The following IGSF21 variants were observed in gnomAD, a reference collection of about 807,000 sequenced individuals.
IGSF21 encodes the protein immunoglobulin superfamily member 21.
Under a neutral mutation model 46.8 loss-of-function variants are expected in IGSF21, and 28 were observed. That is an observed-to-expected ratio of 0.60 (90% CI 0.44 to 0.82). The LOEUF is 0.82. Among genes scored for constraint, IGSF21 ranks in the 40% least tolerant of loss-of-function variants. The pLI, the probability that IGSF21 is intolerant of heterozygous loss-of-function variation, is 0.00. For missense variants in IGSF21, 624 were observed against 665.5 expected (o/e 0.94, Z 0.69); for synonymous variants, 284 against 273.6 (o/e 1.04, Z -0.38).
intron 1 of IGSF21, among the ~76,000 whole-genome samples, chr1:18,168,631 C>T (rs1330147860): frequency 1.3e-5 from 2 of 152,216 alleles, no homozygotes; most frequent in African/African-American, 2.4e-5. Flanking sequence ...CTTAATTACG[C>T]CTTATGTTGC....
chr1:18,284,834 A>G (rs2124559324), intron 2 of IGSF21, among the ~76,000 whole-genome samples: 1 of 152,258 alleles, frequency 6.6e-6, no homozygotes, highest in South Asian at 2.1e-4. Flanking sequence ...CTGGGCTGAC[A>G]CAAGATCCCA....
intron 1 of IGSF21, among the ~76,000 whole-genome samples, chr1:18,147,538 C>T (rs2086481528): frequency 6.6e-6 from 1 of 151,780 alleles, no homozygotes; most frequent in Non-Finnish European, 1.5e-5. Context: ...ACCTCCTTCC[C>T]CTATTTTCCC....
chr1:18,316,925 CT>C (rs1272058317), intron 3 of IGSF21, among the ~76,000 whole-genome samples: 1 of 152,224 alleles, frequency 6.6e-6, no homozygotes, highest in Non-Finnish European at 1.5e-5. Context: ...TAGCAATGTT[CT>C]CAATGCTGGG....
At chr1:18,219,184 G>T (rs2084482399) in intron 1 of IGSF21, among the ~76,000 whole-genome samples, 1 of 152,236 alleles carries the variant, frequency 6.6e-6, no homozygotes, top group South Asian at 2.1e-4. Flanking sequence ...AGGGTAATAA[G>T]TCAGAGAGTG....
intron 2 of IGSF21, among the ~76,000 whole-genome samples, chr1:18,257,924 C>T (rs2084907097): frequency 6.6e-6 from 1 of 152,180 alleles, no homozygotes; most frequent in South Asian, 2.1e-4. Context: ...CAAGGGGCCC[C>T]CTGCTGCAGT....
chr1:18,169,423 G>T (rs937709439), intron 1 of IGSF21, among the ~76,000 whole-genome samples: 2 of 152,170 alleles, frequency 1.3e-5, no homozygotes, highest in African/African-American at 2.4e-5. Context: ...TCTTGCCCAC[G>T]CTAACTGGGA....
chr1:18,329,863 G>T (rs532880103), intron 3 of IGSF21, among the ~76,000 whole-genome samples: 1 of 152,234 alleles, frequency 6.6e-6, no homozygotes, highest in Non-Finnish European at 1.5e-5. Context: ...CCCAGCGCTT[G>T]CATGGCCTTA....
chr1:18,339,925 C>G (rs11800485), intron 4 of IGSF21, among the ~76,000 whole-genome samples: 1 of 152,186 alleles, frequency 6.6e-6, no homozygotes, highest in Non-Finnish European at 1.5e-5. Context: ...TTCTCAAACC[C>G]TCTGAAAGGA....
At chr1:18,239,970 C>A (rs1262451860) in intron 2 of IGSF21, among the ~76,000 whole-genome samples, 4 of 152,152 alleles carry the variant, frequency 2.6e-5, no homozygotes, top group Non-Finnish European at 4.4e-5. Flanking sequence ...GGGAATAGAG[C>A]ACAGAATAAG....
chr1:18,273,935 G>A (rs1461001339), intron 2 of IGSF21, among the ~76,000 whole-genome samples: 2 of 152,132 alleles, frequency 1.3e-5, no homozygotes, highest in Non-Finnish European at 2.9e-5. Flanking sequence ...TGGCCTGGGA[G>A]TTTGAATCCC....
At chr1:18,242,218 T>G (rs1366735357) in intron 2 of IGSF21, among the ~76,000 whole-genome samples, 1 of 152,184 alleles carries the variant, frequency 6.6e-6, no homozygotes, top group Non-Finnish European at 1.5e-5. Context: ...GGCAGCATGG[T>G]TCACCTACTC....
chr1:18,222,908 A>G (rs563191501), intron 1 of IGSF21, among the ~76,000 whole-genome samples: 22 of 152,294 alleles, frequency 1.4e-4, no homozygotes, highest in African/African-American at 5.1e-4. Flanking sequence ...TCTGTGTCTC[A>G]GAGGTGTTTT....
chr1:18,288,077 G>A (rs370735388), intron 2 of IGSF21, among the ~76,000 whole-genome samples: 1 of 152,196 alleles, frequency 6.6e-6, no homozygotes, highest in African/African-American at 2.4e-5. Flanking sequence ...AGGGAGGAAC[G>A]TTGCCTTATC....
chr1:18,245,833 G>A (rs1235312973), intron 2 of IGSF21, among the ~76,000 whole-genome samples: 1 of 152,156 alleles, frequency 6.6e-6, no homozygotes, highest in African/African-American at 2.4e-5. Context: ...TGAATCCCAG[G>A]AGGTCCCAAA....
chr1:18,225,077 T>TCACACA (rs1343372372), intron 1 of IGSF21, among the ~76,000 whole-genome samples: 3 of 38,732 alleles, frequency 7.7e-5, no homozygotes, highest in African/African-American at 1.4e-4. Flanking sequence ...TCTCTCTCTC[T>TCACACA]CTCTCTCTCA....
At chr1:18,257,865 C>T (rs1042661766) in intron 2 of IGSF21, among the ~76,000 whole-genome samples, 1 of 152,268 alleles carries the variant, frequency 6.6e-6, no homozygotes, top group Non-Finnish European at 1.5e-5. Flanking sequence ...GAAACTTCTC[C>T]CTCCCCCTCA....
At chr1:18,182,722 T>C (rs17435426) in intron 1 of IGSF21, among the ~76,000 whole-genome samples, 5,346 of 152,296 alleles carry the variant, frequency 0.035, 169 homozygotes, top group South Asian at 0.12. Context: ...TGTCCTTTCA[T>C]TGCTCTAGCA....
chr1:18,225,030 A>G (rs1256287659), intron 1 of IGSF21, among the ~76,000 whole-genome samples: 1 of 146,862 alleles, frequency 6.8e-6, no homozygotes, highest in Non-Finnish European at 1.5e-5. Flanking sequence ...ACACCACTGC[A>G]CTCCAGCCTG....
intron 1 of IGSF21, among the ~76,000 whole-genome samples, chr1:18,161,875 A>C (rs2086628911): frequency 6.6e-6 from 1 of 152,072 alleles, no homozygotes; most frequent in Non-Finnish European, 1.5e-5. Context: ...ATCCCCTTGG[A>C]GGGCTGTGTG....
Sources: allele counts gnomAD v4.1 joint callset (sites outside exome capture counted in the v4.1 genomes callset), GRCh38; gene constraint gnomAD v4.1.1; transcripts MANE v1.5; gene names NCBI Gene and HGNC (gene_info 2026-07-23, HGNC 2026-07-21).